LRP12: variants seen among roughly 807,000 people sequenced by gnomAD.
The protein encoded by LRP12 is LDL receptor related protein 12, also known as low-density lipoprotein receptor-related protein 12.
In LRP12, 14 loss-of-function variants were observed where a neutral mutation model predicts 66.0. That is an observed-to-expected ratio of 0.21 (90% CI 0.14 to 0.33). LRP12 has a LOEUF of 0.33. LRP12 is among the 10% of genes least tolerant of loss of function. The pLI, the probability that LRP12 is intolerant of heterozygous loss-of-function variation, is 1.00. For missense variants in LRP12, 889 were observed against 1,053.4 expected, an observed-to-expected ratio of 0.84 and a Z score of 2.16; for synonymous variants, 357 against 359.1, an observed-to-expected ratio of 0.99 and a Z score of 0.07.
At chr8:104,500,652 G>A (rs1214836691) in intron 3 of LRP12, among the ~76,000 whole-genome samples, 3 of 152,294 alleles carry the variant, frequency 2.0e-5, no homozygotes, top group South Asian at 2.1e-4. Context: ...GCAGTAAGCC[G>A]AGACTGTGCC....
chr8:104,501,329 T>C (rs1428380844), intron 3 of LRP12, among the ~76,000 whole-genome samples: 2 of 152,110 alleles, frequency 1.3e-5, no homozygotes, highest in Non-Finnish European at 2.9e-5. Context: ...CATGTGATTA[T>C]TGGCCATTTT....
At chr8:104,540,364 A>G (rs1242723360) in intron 1 of LRP12, among the ~76,000 whole-genome samples, 2 of 152,156 alleles carry the variant, frequency 1.3e-5, no homozygotes, top group Non-Finnish European at 2.9e-5. Context: ...TTGTTATGGT[A>G]GTCCAAATAG....
intron 1 of LRP12, among the ~76,000 whole-genome samples, chr8:104,580,805 T>G (rs1812238774): frequency 6.6e-6 from 1 of 152,056 alleles, no homozygotes; most frequent in Non-Finnish European, 1.5e-5. Context: ...GAGGTTGTGG[T>G]GAAAAAGGAA....
At chr8:104,529,636 T>C (rs997035197) in intron 2 of LRP12, among the ~76,000 whole-genome samples, 1 of 152,230 alleles carries the variant, frequency 6.6e-6, no homozygotes, top group African/African-American at 2.4e-5. Flanking sequence ...TAAGTTCTCA[T>C]ACTCTGTAAT....
chr8:104,586,323 A>G (rs1247359142), intron 1 of LRP12, among the ~76,000 whole-genome samples: 1 of 152,220 alleles, frequency 6.6e-6, no homozygotes, highest in African/African-American at 2.4e-5. Context: ...TGTATGTGAA[A>G]TGTTTCAAAA....
At chr8:104,502,442 C>T (rs1220767100) in intron 3 of LRP12, among the ~76,000 whole-genome samples, 3 of 152,182 alleles carry the variant, frequency 2.0e-5, no homozygotes, top group Non-Finnish European at 2.9e-5. Context: ...AATGCAGTTA[C>T]TTTCCAGCTT....
intron 3 of LRP12, among the ~76,000 whole-genome samples, chr8:104,501,659 G>A (rs1350580372): frequency 6.7e-6 from 1 of 148,830 alleles, no homozygotes. Flanking sequence ...AGCTAAGATC[G>A]CACCACTGCA....
intron 1 of LRP12, among the ~76,000 whole-genome samples, chr8:104,552,717 GA>G (rs902637839): frequency 1.3e-5 from 2 of 151,752 alleles, no homozygotes; most frequent in African/African-American, 2.4e-5. Flanking sequence ...TCCAATGTAA[GA>G]AAAAAAATGG....
At chr8:104,512,025 A>G (rs3110526) in intron 2 of LRP12, among the ~76,000 whole-genome samples, 1,975 of 150,516 alleles carry the variant, frequency 0.013, 96 homozygotes, top group East Asian at 0.12. Context: ...AGAGTTTATT[A>G]ATAATAAACT....
At chr8:104,561,999 CACA>C (rs1811916058) in intron 1 of LRP12, among the ~76,000 whole-genome samples, 1 of 152,132 alleles carries the variant, frequency 6.6e-6, no homozygotes, top group Admixed American at 6.6e-5. Context: ...GTGCAATTAT[CACA>C]ACATTTTACT....
At chr8:104,573,749 A>C (rs1376614833) in intron 1 of LRP12, among the ~76,000 whole-genome samples, 1 of 151,560 alleles carries the variant, frequency 6.6e-6, no homozygotes, top group Non-Finnish European at 1.5e-5. Flanking sequence ...TGAACTCAAC[A>C]AAAAAAAGAT....
chr8:104,585,507 T>C (rs991868828), intron 1 of LRP12, among the ~76,000 whole-genome samples: 2 of 152,156 alleles, frequency 1.3e-5, no homozygotes, highest in African/African-American at 4.8e-5. Flanking sequence ...ATTACAGGCT[T>C]GAGTCACCAC....
At chr8:104,516,399 T>C (rs1588488981) in intron 2 of LRP12, among the ~76,000 whole-genome samples, 1 of 152,104 alleles carries the variant, frequency 6.6e-6, no homozygotes, top group Non-Finnish European at 1.5e-5. Flanking sequence ...GGTTAAACTA[T>C]ATGAAAAGAT....
At chr8:104,551,825 TCTTA>T (rs1430322059) in intron 1 of LRP12, among the ~76,000 whole-genome samples, 3 of 152,176 alleles carry the variant, frequency 2.0e-5, no homozygotes, top group Admixed American at 6.6e-5. Flanking sequence ...TCCTTTTCTT[TCTTA>T]CTCTCTTTCT....
At chr8:104,564,431 C>A (rs936995559) in intron 1 of LRP12, among the ~76,000 whole-genome samples, 6 of 152,034 alleles carry the variant, frequency 3.9e-5, no homozygotes, top group Non-Finnish European at 7.4e-5. Context: ...TTTAGACATT[C>A]TAGAATCGCG....
rs1810831905 is a variant in LRP12, at chr8:104,501,803, C to A, written c.273-2284G>T. ...TTGTCTTTTCATTTTCTTAATGGAA[C>A]CTTTTAATAAGCAGAAGTTTTAAAT... is the stretch of plus-strand genomic sequence containing the variant. On this transcript the variant is annotated intron_variant, in intron 3 of 6. Coordinates refer to ENST00000276654, the MANE Select transcript of LRP12 (RefSeq NM_013437.5). 2.0e-5 allele frequency among the ~76,000 whole-genome samples: 3 copies of A among 151,736 alleles called. No individual in the cohort carries two copies. In the South Asian group the frequency reaches 6.2e-4, roughly 32 times the overall value.
chr8:104,577,835 A>G (rs920402915), intron 1 of LRP12, among the ~76,000 whole-genome samples: 1 of 151,268 alleles, frequency 6.6e-6, no homozygotes, highest in East Asian at 1.9e-4. Context: ...AAAGAAAAAG[A>G]AAGTTCTTGG....
rs752671328 is a variant in LRP12, at chr8:104,499,495, T to A, written c.297A>T (p.Gly99=). ...ACCAGTCCAAATTGCACCTTCTGGA[T>A]CCTTGAATATCAAAATCCTGAAAAC... ...TISFQDFDIQ[G]SRRCNLDWLT... The change falls in exon 4 of 7, where the codon GGA becomes GGT. Residue 99 remains glycine, a synonymous_variant. Transcript: ENST00000276654. The A allele has an allele frequency of 6.9e-6, 11 of 1,597,902 alleles. No individual in the cohort carries two copies. The highest frequency in any genetic ancestry group is 1.7e-4 in the Middle Eastern group (1 of 6,008).
At chr8:104,502,935 A>G (rs1254137140) in intron 3 of LRP12, among the ~76,000 whole-genome samples, 1 of 152,214 alleles carries the variant, frequency 6.6e-6, no homozygotes, top group Non-Finnish European at 1.5e-5. Context: ...CCGTAATCCC[A>G]GAACTTTGGG....
Sources: gnomAD v4.1 joint callset for allele counts (sites outside exome capture counted in the v4.1 genomes callset) on GRCh38, gnomAD v4.1.1 for gene constraint, MANE v1.5 for transcripts, NCBI Gene and HGNC (gene_info 2026-07-23, HGNC 2026-07-21) for gene names.